The following SCIN variants were observed in gnomAD, a reference collection of about 807,000 sequenced individuals.
SCIN encodes scinderin, also known as adseverin.
A neutral mutation model predicts 91.8 loss-of-function variants in SCIN; 91 were observed. The observed-to-expected ratio is 0.99, with a 90% CI of 0.84 to 1.18. The LOEUF (loss-of-function observed/expected upper bound fraction) is 1.18. Ranked by LOEUF, SCIN falls within the 50% of genes most tolerant of loss-of-function variation. The pLI is 0.00. For synonymous variants in SCIN, 367 were observed against 312.6 expected, an observed-to-expected ratio of 1.17 and a Z score of -1.84; for missense variants, 1,087 against 863.9, an observed-to-expected ratio of 1.26 and a Z score of -3.24.
In SCIN at chr7:12,640,603, C is replaced by T. The variant is rs1327726936; in HGVS notation, c.1581+86C>T. 4.0e-6 allele frequency: 5 copies of T among 1,239,414 alleles called. No homozygotes were observed. In the African/African-American group the frequency reaches 4.7e-5, roughly 12 times the overall value. 76.8% of individuals were successfully genotyped at this position (1,239,414 alleles called of 1,614,324 possible). A position where few individuals can be genotyped will look rare whatever the true frequency, so the allele number is the denominator to read the frequency against. ...ATCAGCAAATATTAGACTTTAAAAACTTGGCAAATAAACTCCCTTCATTCC... is the reference window on the plus strand; with the variant it reads ...ATCAGCAAATATTAGACTTTAAAAATTTGGCAAATAAACTCCCTTCATTCC... On this transcript the variant is annotated intron_variant, in intron 11 of 15. Transcript: ENST00000297029.
In SCIN at chr7:12,658,504, ATGT is replaced by A. The variant is rs1033295484; in HGVS notation, c.*5794_*5796del. The A allele has an allele frequency of 2.0e-5, 3 of 152,194 alleles. No individual in the cohort carries two copies. Among genetic ancestry groups the A allele is most frequent in the Admixed American group, 2.0e-4 (3 of 15,272 alleles). 9.4% of individuals were successfully genotyped at this position (152,194 alleles called of 1,614,324 possible). A position where few individuals can be genotyped will look rare whatever the true frequency, so the allele number is the denominator to read the frequency against. On this transcript the variant is annotated 3_prime_UTR_variant, in exon 16 of 16. Transcript: ENST00000297029. Reference sequence around the variant, plus strand: ...GTAACACAATGCCTTCTGAGAAACAATGTTGTTCCACATTTTAGAGTTTTGGCA... The same window carrying A: ...GTAACACAATGCCTTCTGAGAAACAATGTTCCACATTTTAGAGTTTTGGCA...
At chr7:12,585,412 C>G (rs547809775) in intron 3 of SCIN, among the ~76,000 whole-genome samples, 16 of 152,104 alleles carry the variant, frequency 1.1e-4, no homozygotes, top group African/African-American at 3.9e-4. Context: ...ATTGTCTCTT[C>G]TTTTATACAT....
Position 12,659,877 on chromosome 7 carries a change from A to C in SCIN, c.*7162A>C, listed in dbSNP as rs1371059111. ...TGGCCTGAAGCAATTGAAGATCTAC[A>C]AAAGAAGTGAAAATTACCTTAACTG... On this transcript the variant is annotated 3_prime_UTR_variant, in exon 16 of 16. Transcript: ENST00000297029. The C allele has an allele frequency of 6.1e-6, 1 of 163,426 alleles. No individual in the cohort carries two copies. Among genetic ancestry groups the C allele is most frequent in the East Asian group, 1.6e-4 (1 of 6,182 alleles). The allele number at this position is 163,426 out of a possible 1,614,324, so 10.1% of individuals were successfully genotyped here.
chr7:12,583,063 C>T (rs930985558), intron 3 of SCIN, among the ~76,000 whole-genome samples: 18 of 151,876 alleles, frequency 1.2e-4, no homozygotes, highest in African/African-American at 4.4e-4. Flanking sequence ...AAGGCACTTC[C>T]CAGTGATAAT....
intron 13 of SCIN, among the ~76,000 whole-genome samples, chr7:12,645,534 G>A (rs1040722438): frequency 6.6e-6 from 1 of 152,024 alleles, no homozygotes; most frequent in Admixed American, 6.6e-5. Context: ...GTGCAGGTTC[G>A]TTACATAGGT....
At chr7:12,608,360 G>T (rs1277057947) in intron 4 of SCIN, among the ~76,000 whole-genome samples, 1 of 148,396 alleles carries the variant, frequency 6.7e-6, no homozygotes, top group Non-Finnish European at 1.5e-5. Context: ...GAGTATCCTT[G>T]TTTAAAATTT....
chr7:12,625,827 A>G lies in SCIN; in HGVS notation c.958A>G (p.Met320Val). The stretch of plus-strand genomic sequence containing the variant: ...GACAGCTGAAGAATTTCTACAGCAA[A>G]TGAATTATTCCAAGAATACCCAAGT... The part of the protein sequence containing the change: ...MKTAEEFLQQ[M>V]NYSKNTQIQV... The change falls in exon 7 of 16, where the codon ATG (methionine) becomes GTG (valine). Residue 320 changes from methionine to valine, a missense_variant. By Grantham distance (21) the Met-to-Val change is conservative (BLOSUM62 1). Transcript: ENST00000297029. 6.2e-7 allele frequency: 1 copy of G among 1,611,950 alleles called. No individual in the cohort carries two copies. The highest frequency in any genetic ancestry group is 8.5e-7 in the Non-Finnish European group (1 of 1,178,378).
intron 10 of SCIN, among the ~76,000 whole-genome samples, chr7:12,637,605 C>T: frequency 6.6e-6 from 1 of 150,484 alleles, no homozygotes; most frequent in Admixed American, 6.6e-5. Flanking sequence ...AGAGGGAAAT[C>T]ATGGAGGAAG....
At chr7:12,572,092 G>C (rs1441798070) in intron 1 of SCIN, among the ~76,000 whole-genome samples, 1 of 152,160 alleles carries the variant, frequency 6.6e-6, no homozygotes, top group Non-Finnish European at 1.5e-5. Context: ...AACATTTGAA[G>C]ATTTTAAGAA....
intron 9 of SCIN, among the ~76,000 whole-genome samples, chr7:12,632,172 C>T (rs1583312651): frequency 7.0e-6 from 1 of 143,830 alleles, no homozygotes; most frequent in East Asian, 2.0e-4. Flanking sequence ...CTCTGTTGCC[C>T]AGGCTGGAGT....
At chr7:12,612,971 T>G (rs1200954812) in intron 4 of SCIN, among the ~76,000 whole-genome samples, 2 of 152,156 alleles carry the variant, frequency 1.3e-5, no homozygotes, top group Non-Finnish European at 2.9e-5. Flanking sequence ...TCTGAATGAG[T>G]TAATTTTCCC....
rs545073062 is a variant in SCIN at position 12,581,392 on chromosome 7, C to T, written c.516+171C>T. Reference sequence around the variant, plus strand: ...TTAAATGACGCATGAAGTGAGACTTCAAAGTTTTTATTTTCTTTGATAGGT... The same window carrying T: ...TTAAATGACGCATGAAGTGAGACTTTAAAGTTTTTATTTTCTTTGATAGGT... On this transcript the variant is annotated intron_variant, in intron 3 of 15. Transcript: ENST00000297029. Among the ~76,000 whole-genome samples the T allele has an allele frequency of 2.2e-4, 33 of 152,276 alleles. 1 individual carries two copies. Among genetic ancestry groups the T allele is most frequent in the Admixed American group, 2.0e-3 (30 of 15,288 alleles).
At chr7:12,575,887 C>T (rs912354988) in intron 1 of SCIN, among the ~76,000 whole-genome samples, 5 of 152,182 alleles carry the variant, frequency 3.3e-5, no homozygotes, top group Non-Finnish European at 5.9e-5. Context: ...CAAAGGCTGA[C>T]ATTGGCTTCA....
At position 12,622,829 on chromosome 7, in the gene SCIN, A is replaced by G. The variant is rs754433636; in HGVS notation, c.695A>G (p.Asp232Gly). ...TTAGGGGAAAAGCCAGAGCTTCCAG[A>G]TGGAGGTGATGATGATGACATTATA... ...KVLGEKPELP[D>G]GGDDDDIIAD... The change falls in exon 5 of 16, where the codon GAT becomes GGT. Residue 232 changes from aspartate (D) to glycine (G), a missense_variant. Coordinates refer to ENST00000297029, the MANE Select transcript of SCIN (RefSeq NM_001112706.3). The G allele has an allele frequency of 6.2e-7, 1 of 1,613,158 alleles. No homozygotes were observed. The highest frequency in any genetic ancestry group is 1.1e-5 in the South Asian group (1 of 91,036).
chr7:12,590,184 C>T (rs529186267), intron 3 of SCIN, among the ~76,000 whole-genome samples: 13 of 152,240 alleles, frequency 8.5e-5, no homozygotes, highest in South Asian at 8.3e-4. Context: ...GAGACTTCTG[C>T]GGCCTTTTCT....
At chr7:12,575,335 A>T (rs1425927211) in intron 1 of SCIN, among the ~76,000 whole-genome samples, 2 of 147,682 alleles carry the variant, frequency 1.4e-5, no homozygotes, top group African/African-American at 2.5e-5. Flanking sequence ...TTCAATTTGT[A>T]TGCCTTTTTT....
rs978312207 is a variant in SCIN, at chr7:12,626,850, G to T, written c.1197+51G>T. On this transcript the variant is annotated intron_variant, in intron 8 of 15. Transcript: ENST00000297029. ...AAGCCCATTAATGCCAGTGTATGTA[G>T]GGGGAGGGTGGGGGAGATCACTTGA... 13 of 1,429,910 alleles carry T rather than the reference G, an allele frequency of 9.1e-6. No individual in the cohort carries two copies. In the African/African-American group the frequency reaches 1.6e-4, roughly 17 times the overall value. The allele number at this position is 1,429,910 out of a possible 1,614,324, so 88.6% of individuals were successfully genotyped here.
intron 2 of SCIN, among the ~76,000 whole-genome samples, chr7:12,580,137 A>G (rs145984175): frequency 2.2e-4 from 33 of 152,272 alleles, no homozygotes; most frequent in African/African-American, 7.7e-4. Context: ...GAATGTGCTA[A>G]TGACAAATTA....
chr7:12,620,190 C>T (rs1198089119), intron 4 of SCIN, among the ~76,000 whole-genome samples: 3 of 151,966 alleles, frequency 2.0e-5, no homozygotes, highest in Non-Finnish European at 4.4e-5. Context: ...TGTCAACTCA[C>T]ATTGTGTGTG....
Sources: allele counts gnomAD v4.1 joint callset (sites outside exome capture counted in the v4.1 genomes callset), GRCh38; gene constraint gnomAD v4.1.1; transcripts MANE v1.5; gene names NCBI Gene and HGNC (gene_info 2026-07-23, HGNC 2026-07-21).